ERC2: variants seen among roughly 807,000 people sequenced by gnomAD.
ERC2 encodes ELKS/RAB6-interacting/CAST family member 2, also known as ERC protein 2.
A neutral mutation model predicts 114.8 loss-of-function variants in ERC2; 42 were observed. The ratio of observed to expected loss-of-function variants is 0.37; its 90% CI spans 0.29 to 0.47. The LOEUF (loss-of-function observed/expected upper bound fraction) is 0.47, where lower values mean the gene tolerates loss of function less well. ERC2 is among the 20% of genes least tolerant of loss of function. The pLI is 0.99. For missense variants in ERC2, 939 were observed against 1,150.7 expected, an observed-to-expected ratio of 0.82 and a Z score of 2.66; for synonymous variants, 454 against 425.5, an observed-to-expected ratio of 1.07 and a Z score of -0.82.
At chr3:56,031,536 A>G (rs1353477180) in intron 7 of ERC2, among the ~76,000 whole-genome samples, 3 of 152,262 alleles carry the variant, frequency 2.0e-5, no homozygotes, top group Non-Finnish European at 4.4e-5. Context: ...AAGACTAGAA[A>G]AGGAGTCTAC....
In ERC2 at chr3:55,699,437, G is replaced by C; in HGVS notation, c.2788C>G (p.His930Asp). 6.2e-7 allele frequency: 1 copy of C among 1,613,820 alleles called. No individual in the cohort carries two copies. Among genetic ancestry groups the C allele is most frequent in the Non-Finnish European group, 8.5e-7 (1 of 1,179,818 alleles). Reference sequence around the variant, plus strand: ...GACCTCCCAGGAGATCGATGGTGGTGGTGATGGTGGTGGTGGTGGTAATGG... The same window carrying C: ...GACCTCCCAGGAGATCGATGGTGGTCGTGATGGTGGTGGTGGTGGTAATGG... ...HHHYHHHHHH[H>D]HHRSPGRSQH... is the part of the protein sequence containing the mutation. Residue 930 changes from histidine (H) to aspartate (D), a missense_variant, in exon 16 of 18, where the codon CAC becomes GAC. Physicochemically the swap from His to Asp is moderately conservative, Grantham distance 81. This residue lies in a region of ERC2 where 328 missense variants were observed against 353.9 expected (regional missense o/e 0.93). Coordinates refer to ENST00000288221, the MANE Select transcript of ERC2 (RefSeq NM_015576.3).
At chr3:55,868,326 G>C (rs750256570) in intron 14 of ERC2, among the ~76,000 whole-genome samples, 1 of 152,178 alleles carries the variant, frequency 6.6e-6, no homozygotes, top group Non-Finnish European at 1.5e-5. Flanking sequence ...CATCTAAAAA[G>C]TGGGAAAATC....
intron 17 of ERC2, among the ~76,000 whole-genome samples, chr3:55,614,112 A>T (rs567034290): frequency 4.1e-4 from 63 of 152,122 alleles, no homozygotes; most frequent in African/African-American, 1.4e-3. Flanking sequence ...AAATGAACAG[A>T]TCAGCCTGAC....
chr3:56,028,483 A>G (rs1003064629), intron 7 of ERC2, among the ~76,000 whole-genome samples: 3 of 152,140 alleles, frequency 2.0e-5, no homozygotes, highest in Non-Finnish European at 4.4e-5. Context: ...GTGCTCATTA[A>G]CATTTTATAA....
At chr3:55,928,748 G>A (rs112984961) in intron 13 of ERC2, among the ~76,000 whole-genome samples, 1 of 152,146 alleles carries the variant, frequency 6.6e-6, no homozygotes, top group Non-Finnish European at 1.5e-5. Flanking sequence ...TGACAACTTA[G>A]ATTTAAGTCT....
intron 17 of ERC2, among the ~76,000 whole-genome samples, chr3:55,614,289 C>G (rs899722282): frequency 3.3e-5 from 5 of 152,142 alleles, no homozygotes; most frequent in African/African-American, 1.2e-4. Flanking sequence ...TTTAAGCCAT[C>G]TGATTATCTG....
chr3:56,170,585 G>GTTTTTT lies in ERC2; in HGVS notation c.1149+2855_1149+2860dup, dbSNP rs1178172687. On this transcript the variant is annotated intron_variant, in intron 4 of 17. Coordinates refer to ENST00000288221, the MANE Select transcript of ERC2 (RefSeq NM_015576.3). ...CAATTTAGTCTAAGAAATCTCTTCT[G>GTTTTTT]TTTTTTTTTTTTTTTTTTTTTTTTT... is the stretch of plus-strand genomic sequence containing the variant. 7.6e-4 allele frequency among the ~76,000 whole-genome samples: 47 copies of GTTTTTT among 61,734 alleles called. 3 individuals are homozygous for GTTTTTT. The highest frequency in any genetic ancestry group is 1.7e-3 in the South Asian group (2 of 1,204). The allele number at this position is 61,734 out of a possible 152,430, so 40.5% of individuals were successfully genotyped here. A position where few individuals can be genotyped will look rare whatever the true frequency, so the allele number is the denominator to read the frequency against.
chr3:55,583,269 A>G (rs2057349633), intron 17 of ERC2, among the ~76,000 whole-genome samples: 1 of 152,128 alleles, frequency 6.6e-6, no homozygotes, highest in African/African-American at 2.4e-5. Flanking sequence ...ATATCAATCT[A>G]AAGAAATCAC....
intron 14 of ERC2, among the ~76,000 whole-genome samples, chr3:55,812,324 A>G (rs958185613): frequency 6.6e-6 from 1 of 152,332 alleles, no homozygotes; most frequent in African/African-American, 2.4e-5. Context: ...GGACCCCCAC[A>G]GCATGTTTGT....
chr3:56,006,775 T>A (rs931038237), intron 10 of ERC2, among the ~76,000 whole-genome samples: 2 of 152,070 alleles, frequency 1.3e-5, no homozygotes, highest in African/African-American at 4.8e-5. Flanking sequence ...TTTTGCAAAG[T>A]TCTGGTACAA....
At chr3:55,658,713 G>A (rs2060986947) in intron 17 of ERC2, 1 of 152,702 alleles carries the variant, frequency 6.5e-6, no homozygotes, top group Non-Finnish European at 1.5e-5. Context: ...ATAATCAGAA[G>A]ACTGAAGGAC....
intron 7 of ERC2, among the ~76,000 whole-genome samples, chr3:56,063,050 T>C (rs565003892): frequency 5.0e-4 from 76 of 152,342 alleles, no homozygotes; most frequent in African/African-American, 1.7e-3. Context: ...GAATGAACTA[T>C]TGATAAAAGC....
chr3:56,110,625 T>C (rs2078909807), intron 6 of ERC2, among the ~76,000 whole-genome samples: 1 of 152,164 alleles, frequency 6.6e-6, no homozygotes. Context: ...TGTCATAATG[T>C]TAAAATTATG....
intron 12 of ERC2, among the ~76,000 whole-genome samples, chr3:55,975,992 C>T (rs971693699): frequency 2.6e-5 from 4 of 152,320 alleles, no homozygotes; most frequent in South Asian, 2.1e-4. Context: ...TGTCACCCTG[C>T]GCCATGGGTA....
intron 2 of ERC2, among the ~76,000 whole-genome samples, chr3:56,375,693 G>T (rs140598388): frequency 9.8e-4 from 149 of 152,288 alleles, no homozygotes; most frequent in African/African-American, 3.5e-3. Context: ...AGGCAGCTTC[G>T]TAAATTGTTC....
At chr3:56,307,004 C>T (rs555251645) in intron 2 of ERC2, among the ~76,000 whole-genome samples, 134 of 152,350 alleles carry the variant, frequency 8.8e-4, no homozygotes, top group African/African-American at 3.1e-3. Flanking sequence ...TACAGCCATC[C>T]TCCTTCACCC....
At chr3:56,194,029 A>G (rs1255694143) in intron 3 of ERC2, among the ~76,000 whole-genome samples, 1 of 152,154 alleles carries the variant, frequency 6.6e-6, no homozygotes, top group Non-Finnish European at 1.5e-5. Flanking sequence ...CTCTTATCAA[A>G]TTATTCATTG....
At chr3:55,719,848 A>G (rs1206417252) in intron 15 of ERC2, among the ~76,000 whole-genome samples, 4 of 152,054 alleles carry the variant, frequency 2.6e-5, no homozygotes, top group Non-Finnish European at 5.9e-5. Flanking sequence ...ACCCCCCAGA[A>G]GCCTAGACAT....
At chr3:56,342,968 G>T (rs898051363) in intron 2 of ERC2, among the ~76,000 whole-genome samples, 1 of 152,026 alleles carries the variant, frequency 6.6e-6, no homozygotes, top group African/African-American at 2.4e-5. Flanking sequence ...GTCTCTGCCT[G>T]ATCTTCTCTC....
Sources: allele counts gnomAD v4.1 joint callset (sites outside exome capture counted in the v4.1 genomes callset), GRCh38; gene constraint gnomAD v4.1.1; regional missense constraint gnomAD v4.1.1; transcripts MANE v1.5; gene names NCBI Gene and HGNC (gene_info 2026-07-23, HGNC 2026-07-21).